The following GABRB2 variants were observed in gnomAD, a reference collection of about 807,000 sequenced individuals.
The protein encoded by GABRB2 is gamma-aminobutyric acid receptor subunit beta-2.
Under a neutral mutation model 54.7 loss-of-function variants are expected in GABRB2, and 16 were observed. That is an observed-to-expected ratio of 0.29 (90% CI 0.20 to 0.44). The LOEUF (loss-of-function observed/expected upper bound fraction) is 0.44, where lower values mean the gene tolerates loss of function less well. Ranked by LOEUF, GABRB2 falls within the 20% of genes least tolerant of loss-of-function variation. The probability of loss-of-function intolerance (pLI) is 1.00; values close to 1 mark genes in which losing one functional copy is unlikely to be tolerated. For missense variants in GABRB2, 355 were observed against 644.0 expected (o/e 0.55, Z 4.86); for synonymous variants, 244 against 233.8 (o/e 1.04, Z -0.40).
chr5:161,535,466 A>G (rs1760604144), intron 3 of GABRB2, among the ~76,000 whole-genome samples: 1 of 152,196 alleles, frequency 6.6e-6, no homozygotes, highest in Non-Finnish European at 1.5e-5. Context: ...GAGTAAAAAC[A>G]ACTATAACGA....
At chr5:161,489,150 A>G (rs898261484) in intron 3 of GABRB2, among the ~76,000 whole-genome samples, 2 of 151,776 alleles carry the variant, frequency 1.3e-5, no homozygotes, top group African/African-American at 4.8e-5. Flanking sequence ...TAACAAAGCC[A>G]TAAGTAATAG....
intron 5 of GABRB2, among the ~76,000 whole-genome samples, chr5:161,405,245 A>G (rs1375766120): frequency 6.6e-6 from 1 of 152,136 alleles, no homozygotes; most frequent in East Asian, 1.9e-4. Flanking sequence ...TCCAGACTCC[A>G]TGGTTTATAT....
intron 4 of GABRB2, among the ~76,000 whole-genome samples, chr5:161,426,875 G>C (rs1580976331): frequency 6.6e-6 from 1 of 152,050 alleles, no homozygotes; most frequent in African/African-American, 2.4e-5. Context: ...GATAACAGGA[G>C]CTATTAGAAA....
intron 4 of GABRB2, among the ~76,000 whole-genome samples, chr5:161,431,032 A>C (rs1347836774): frequency 6.6e-6 from 1 of 152,194 alleles, no homozygotes; most frequent in Non-Finnish European, 1.5e-5. Context: ...GTCTCCAAAA[A>C]CACAGAATTA....
At chr5:161,377,844 G>A (rs922881797) in intron 5 of GABRB2, among the ~76,000 whole-genome samples, 3 of 151,882 alleles carry the variant, frequency 2.0e-5, no homozygotes, top group African/African-American at 7.2e-5. Context: ...AAAACACACA[G>A]TGTCTACATT....
At chr5:161,516,584 G>A (rs993819205) in intron 3 of GABRB2, among the ~76,000 whole-genome samples, 5 of 152,164 alleles carry the variant, frequency 3.3e-5, no homozygotes, top group Admixed American at 6.5e-5. Context: ...CAAGGGCAAC[G>A]TTGTTTTTGA....
In GABRB2 at chr5:161,289,232, C is replaced by CTTTTTTTTTTTTTTTTTTTTTTTTTT. The variant is rs56372028; in HGVS notation, c.*4848_*4849insAAAAAAAAAAAAAAAAAAAAAAAAAA. The CTTTTTTTTTTTTTTTTTTTTTTTTTT allele has an allele frequency of 3.1e-3, 283 of 90,436 alleles. 6 individuals carry two copies. The highest frequency in any genetic ancestry group is 6.0e-3 in the Middle Eastern group (1 of 166). The allele number at this position is 90,436 out of a possible 1,614,324, so 5.6% of individuals were successfully genotyped here. On this transcript the variant is annotated 3_prime_UTR_variant, in exon 10 of 10. Transcript: ENST00000393959. ...ACCTAGTAGCTTTTTAAGAGTGCTG[C>CTTTTTTTTTTTTTTTTTTTTTTTTTT]TTTTTTTTTTTTTTTTTGTACAGAT...
intron 9 of GABRB2, among the ~76,000 whole-genome samples, chr5:161,295,892 G>T (rs1256107594): frequency 6.6e-6 from 1 of 152,142 alleles, no homozygotes; most frequent in Non-Finnish European, 1.5e-5. Context: ...TATATCATTT[G>T]GAAACAAAGC....
At chr5:161,479,539 T>C (rs910813811) in intron 3 of GABRB2, among the ~76,000 whole-genome samples, 1 of 151,916 alleles carries the variant, frequency 6.6e-6, no homozygotes, top group Admixed American at 6.6e-5. Flanking sequence ...ATGAAGAAAA[T>C]TTAAGTTGCT....
chr5:161,333,263 C>A (rs893084942), intron 7 of GABRB2, among the ~76,000 whole-genome samples: 2 of 152,118 alleles, frequency 1.3e-5, no homozygotes, highest in Non-Finnish European at 2.9e-5. Context: ...AGCACCATTC[C>A]CCATGCAAGA....
intron 3 of GABRB2, among the ~76,000 whole-genome samples, chr5:161,502,055 A>T (rs953046967): frequency 6.7e-6 from 1 of 149,642 alleles, no homozygotes; most frequent in Admixed American, 6.7e-5. Context: ...TTATATATTT[A>T]AGGTAAAAAT....
chr5:161,514,184 G>A (rs928492572), intron 3 of GABRB2, among the ~76,000 whole-genome samples: 2 of 152,096 alleles, frequency 1.3e-5, no homozygotes, highest in African/African-American at 2.4e-5. Context: ...TGTGTTTGCT[G>A]ATTATATGAC....
rs114466251 is a variant in GABRB2, at chr5:161,401,855, T to C, written c.541+9120A>G. ...ATTCAACTTCTATGCATTCATCTTATATATTAGTGTATTCAGCAGACTTTT... is the reference window on the plus strand; with the variant it reads ...ATTCAACTTCTATGCATTCATCTTACATATTAGTGTATTCAGCAGACTTTT... On this transcript the variant is annotated intron_variant, in intron 5 of 9. Transcript: ENST00000393959. Among the ~76,000 whole-genome samples, 1,203 of 152,286 alleles carry C rather than the reference T, an allele frequency of 7.9e-3. 9 individuals carry two copies. The highest frequency in any genetic ancestry group is 0.024 in the Middle Eastern group (7 of 294).
chr5:161,323,801 G>T (rs185115959), intron 9 of GABRB2, among the ~76,000 whole-genome samples: 18 of 152,200 alleles, frequency 1.2e-4, no homozygotes, highest in African/African-American at 4.1e-4. Context: ...GTGTGTATGT[G>T]TTTATATGTA....
chr5:161,325,391 C>T (rs556128989), intron 9 of GABRB2, among the ~76,000 whole-genome samples: 1 of 152,010 alleles, frequency 6.6e-6, no homozygotes, highest in Non-Finnish European at 1.5e-5. Context: ...CTATATAACA[C>T]AAGTAATGAA....
chr5:161,522,202 C>G (rs1654042566), intron 3 of GABRB2, among the ~76,000 whole-genome samples: 1 of 151,802 alleles, frequency 6.6e-6, no homozygotes, highest in African/African-American at 2.4e-5. Flanking sequence ...TAGGTGTTAT[C>G]ACACATTTGA....
At chr5:161,457,179 A>G (rs1420696905) in intron 4 of GABRB2, among the ~76,000 whole-genome samples, 3 of 152,170 alleles carry the variant, frequency 2.0e-5, no homozygotes, top group African/African-American at 7.2e-5. Flanking sequence ...AACAATCACC[A>G]TTCATGAGCC....
chr5:161,495,730 A>C (rs924644161), intron 3 of GABRB2, among the ~76,000 whole-genome samples: 1 of 152,106 alleles, frequency 6.6e-6, no homozygotes, highest in Non-Finnish European at 1.5e-5. Context: ...AGTCAGGGGC[A>C]ACTCCAAAAG....
intron 3 of GABRB2, among the ~76,000 whole-genome samples, chr5:161,505,142 G>C (rs1039834041): frequency 1.3e-5 from 1 of 77,132 alleles, no homozygotes; most frequent in African/African-American, 5.0e-5. Context: ...TGTTTGTTTT[G>C]TTTTTTGAGA....
Sources: allele counts gnomAD v4.1 joint callset (sites outside exome capture counted in the v4.1 genomes callset), GRCh38; gene constraint gnomAD v4.1.1; transcripts MANE v1.5; gene names NCBI Gene and HGNC (gene_info 2026-07-23, HGNC 2026-07-21).